Variants in CDH12 observed in about 807,000 individuals in gnomAD.
CDH12 encodes the protein cadherin 12.
In CDH12, 41 loss-of-function variants were observed where a neutral mutation model predicts 74.1. The observed-to-expected ratio is 0.55, with a 90% CI of 0.43 to 0.72. CDH12 has a LOEUF of 0.72. CDH12 is among the 30% of genes least tolerant of loss of function. CDH12 has a pLI of 0.00. For missense variants in CDH12, 945 were observed against 977.2 expected, an observed-to-expected ratio of 0.97 and a Z score of 0.44; for synonymous variants, 399 against 355.0, an observed-to-expected ratio of 1.12 and a Z score of -1.39.
At chr5:22,765,464 A>G (rs1746454940) in intron 1 of CDH12, among the ~76,000 whole-genome samples, 1 of 151,996 alleles carries the variant, frequency 6.6e-6, no homozygotes, top group South Asian at 2.1e-4. Context: ...TTTGGCCTGT[A>G]CAATCCACAG....
chr5:22,380,210 C>A (rs566789642), intron 3 of CDH12, among the ~76,000 whole-genome samples: 1 of 152,288 alleles, frequency 6.6e-6, no homozygotes, highest in African/African-American at 2.4e-5. Context: ...TAATAGACTT[C>A]AAAAGTGGCA....
At chr5:22,529,468 C>T (rs1326423013) in intron 1 of CDH12, among the ~76,000 whole-genome samples, 2 of 151,958 alleles carry the variant, frequency 1.3e-5, no homozygotes, top group Non-Finnish European at 2.9e-5. Flanking sequence ...AAAACAATGT[C>T]CCAGATCAAG....
At chr5:22,006,996 G>C (rs1329111578) in intron 5 of CDH12, among the ~76,000 whole-genome samples, 2 of 151,826 alleles carry the variant, frequency 1.3e-5, no homozygotes, top group Non-Finnish European at 2.9e-5. Context: ...CAATATTAAA[G>C]AGAATGAACT....
chr5:21,970,041 TA>T (rs1756769315), intron 6 of CDH12, among the ~76,000 whole-genome samples: 1 of 151,542 alleles, frequency 6.6e-6, no homozygotes, highest in South Asian at 2.1e-4. Context: ...TAAAGGAAAC[TA>T]AACAGACCTA....
At position 22,497,638 on chromosome 5, in the gene CDH12, CTTTTTTTT is replaced by C. The variant is rs747466944; in HGVS notation, c.-428+7624_-428+7631del. ...CAAGGCCCCACTGCCTGTCGAATCT[CTTTTTTTT>C]TTTTTTTTTTTTTTGAGATGTAATC... On this transcript the variant is annotated intron_variant, in intron 2 of 14. Coordinates refer to ENST00000382254, the MANE Select transcript of CDH12 (RefSeq NM_004061.5). 1.1e-4 allele frequency among the ~76,000 whole-genome samples: 9 copies of C among 83,250 alleles called. No individual in the cohort carries two copies. In the East Asian group the frequency reaches 1.7e-3, roughly 16 times the overall value. 54.6% of individuals were successfully genotyped at this position (83,250 alleles called of 152,430 possible).
intron 4 of CDH12, among the ~76,000 whole-genome samples, chr5:22,125,360 G>A (rs1385131227): frequency 6.6e-6 from 1 of 152,074 alleles, no homozygotes; most frequent in Non-Finnish European, 1.5e-5. Context: ...AACATGTGCT[G>A]TTTGGTTTTC....
chr5:21,832,698 C>T (rs1749092002), intron 8 of CDH12, among the ~76,000 whole-genome samples: 1 of 144,782 alleles, frequency 6.9e-6, no homozygotes, highest in Non-Finnish European at 1.5e-5. Context: ...TTAACTTATT[C>T]ATTCTATTTA....
At position 21,768,629 on chromosome 5, in the gene CDH12, G is replaced by A. The variant is rs1353852397; in HGVS notation, c.1394-3530C>T. The stretch of plus-strand genomic sequence containing the variant: ...AGAAAATCTTAACATAGTTAAAACA[G>A]TTAAGAAATGAACTTGTAATGAAAA... On this transcript the variant is annotated intron_variant, in intron 11 of 14. Transcript: ENST00000382254. 5.3e-5 allele frequency among the ~76,000 whole-genome samples: 8 copies of A among 152,002 alleles called. No individual in the cohort carries two copies. In the South Asian group the frequency reaches 8.3e-4, roughly 16 times the overall value.
intron 1 of CDH12, among the ~76,000 whole-genome samples, chr5:22,596,875 C>T (rs1736631185): frequency 6.6e-6 from 1 of 152,124 alleles, no homozygotes; most frequent in Non-Finnish European, 1.5e-5. Flanking sequence ...TTTCAGTTGA[C>T]AAGAGTTATC....
chr5:21,914,778 T>C (rs1339980543), intron 6 of CDH12, among the ~76,000 whole-genome samples: 2 of 152,230 alleles, frequency 1.3e-5, no homozygotes, highest in Middle Eastern at 3.2e-3. Flanking sequence ...ACTATATCTG[T>C]AAAATATCTT....
At position 22,846,938 on chromosome 5, in the gene CDH12, A is replaced by AT. The variant is rs562362220; in HGVS notation, c.-523+6119dup. On this transcript the variant is annotated intron_variant, in intron 1 of 14. Transcript: ENST00000382254. ...TGTTGAGATTTGAGTATATGAAAGA[A>AT]TTTTTTTAATACCGTTGTTAAAATT... 5.2e-4 allele frequency among the ~76,000 whole-genome samples: 45 copies of AT among 86,194 alleles called. 1 individual carries two copies. Among genetic ancestry groups the AT allele is most frequent in the African/African-American group, 1.5e-3 (41 of 28,068 alleles). 56.5% of individuals were successfully genotyped at this position (86,194 alleles called of 152,430 possible).
intron 2 of CDH12, among the ~76,000 whole-genome samples, chr5:22,500,920 AT>A (rs137998465): frequency 9.5e-4 from 142 of 150,122 alleles, no homozygotes; most frequent in African/African-American, 2.7e-3. Context: ...CTGCAGTATA[AT>A]TTTTTTTTTC....
chr5:22,356,921 T>C (rs1740586488), intron 3 of CDH12, among the ~76,000 whole-genome samples: 1 of 152,126 alleles, frequency 6.6e-6, no homozygotes. Flanking sequence ...TTTTTAAAAG[T>C]ACAGCTTCAG....
intron 4 of CDH12, among the ~76,000 whole-genome samples, chr5:22,181,896 A>C (rs1186821374): frequency 6.6e-6 from 1 of 152,100 alleles, no homozygotes; most frequent in Non-Finnish European, 1.5e-5. Context: ...CTCCCAAATC[A>C]TCCCGGAAGT....
intron 6 of CDH12, among the ~76,000 whole-genome samples, chr5:21,966,585 T>G (rs546716239): frequency 6.6e-6 from 1 of 152,264 alleles, no homozygotes; most frequent in South Asian, 2.1e-4. Context: ...ACGTAGGTAT[T>G]GATGAATATT....
intron 5 of CDH12, among the ~76,000 whole-genome samples, chr5:22,055,976 T>C (rs1285699864): frequency 6.6e-6 from 1 of 152,132 alleles, no homozygotes. Context: ...AATTTAAACA[T>C]TGATGTTCTA....
intron 5 of CDH12, among the ~76,000 whole-genome samples, chr5:22,069,126 A>T (rs1741765772): frequency 6.6e-6 from 1 of 152,160 alleles, no homozygotes; most frequent in East Asian, 1.9e-4. Flanking sequence ...TGACCTATAG[A>T]ATGCCTTATC....
intron 4 of CDH12, among the ~76,000 whole-genome samples, chr5:22,111,685 G>A (rs955035289): frequency 6.6e-6 from 1 of 152,072 alleles, no homozygotes; most frequent in African/African-American, 2.4e-5. Flanking sequence ...AGTCATTTTT[G>A]TTAATACACA....
At chr5:22,402,838 T>G (rs1380285946) in intron 3 of CDH12, among the ~76,000 whole-genome samples, 1 of 152,134 alleles carries the variant, frequency 6.6e-6, no homozygotes, top group Non-Finnish European at 1.5e-5. Context: ...ATTTCAGAAA[T>G]GCACAACCTT....
Sources: gnomAD v4.1 joint callset for allele counts (sites outside exome capture counted in the v4.1 genomes callset) on GRCh38, gnomAD v4.1.1 for gene constraint, MANE v1.5 for transcripts, NCBI Gene and HGNC (gene_info 2026-07-23, HGNC 2026-07-21) for gene names.